The following TIAM1 variants were observed in gnomAD, a reference collection of about 807,000 sequenced individuals.
The protein encoded by TIAM1 is TIAM Rac1 associated GEF 1.
Under a neutral mutation model 163.5 loss-of-function variants are expected in TIAM1, and 65 were observed. The ratio of observed to expected loss-of-function variants is 0.40; its 90% CI spans 0.33 to 0.49. The LOEUF (loss-of-function observed/expected upper bound fraction) is 0.49, where lower values mean the gene tolerates loss of function less well. Among genes scored for constraint, TIAM1 ranks in the 20% least tolerant of loss-of-function variants. The pLI is 0.77. For synonymous variants in TIAM1, 833 were observed against 810.1 expected (o/e 1.03, Z -0.48); for missense variants, 1,789 against 2,044.7 (o/e 0.87, Z 2.41).
rs749426231 is a variant in TIAM1, at chr21:31,266,348, C to G, written c.625G>C (p.Glu209Gln). 1.9e-6 allele frequency: 3 copies of G among 1,614,248 alleles called. No homozygotes were observed. The highest frequency in any genetic ancestry group is 1.7e-6 in the Non-Finnish European group (2 of 1,180,048). The change falls in exon 4 of 28, where the codon GAG becomes CAG. Residue 209 changes from glutamate to glutamine, a missense_variant. Transcript: ENST00000541036. ...ILGSAEEKDCEEARGMETRAS... is the reference protein window; with the variant it reads ...ILGSAEEKDCQEARGMETRAS... ...CGCGTTTCCATCCCCCGAGCCTCCT[C>G]GCAGTCCTTCTCTTCGGCGGAACCC...
chr21:31,474,306 A>G (rs1487660681), intron 1 of TIAM1, among the ~76,000 whole-genome samples: 1 of 152,152 alleles, frequency 6.6e-6, no homozygotes, highest in Non-Finnish European at 1.5e-5. Flanking sequence ...GGTACAGTCA[A>G]TGAAAGGCAG....
At chr21:31,284,698 T>A (rs1223579028) in intron 2 of TIAM1, among the ~76,000 whole-genome samples, 2 of 151,464 alleles carry the variant, frequency 1.3e-5, no homozygotes, top group Admixed American at 6.6e-5. Context: ...TTTTTTTGTA[T>A]TTTTTTTAGT....
intron 6 of TIAM1, among the ~76,000 whole-genome samples, chr21:31,244,000 G>T (rs186266981): frequency 6.6e-6 from 1 of 152,344 alleles, no homozygotes; most frequent in East Asian, 1.9e-4. Flanking sequence ...GGGTGGGGTT[G>T]GGGAAGGTGG....
At chr21:31,353,919 A>G (rs1602077292) in intron 2 of TIAM1, among the ~76,000 whole-genome samples, 1 of 129,570 alleles carries the variant, frequency 7.7e-6, no homozygotes, top group South Asian at 2.5e-4. Context: ...GCTCACTGCA[A>G]CCTCTGCCTC....
chr21:31,360,199 T>C (rs566290023), intron 2 of TIAM1, among the ~76,000 whole-genome samples: 1 of 152,164 alleles, frequency 6.6e-6, no homozygotes, highest in Non-Finnish European at 1.5e-5. Flanking sequence ...TTCTAAGTGT[T>C]TGAAGAAAAT....
At chr21:31,291,720 G>A (rs777741195) in intron 2 of TIAM1, among the ~76,000 whole-genome samples, 12 of 152,176 alleles carry the variant, frequency 7.9e-5, no homozygotes, top group African/African-American at 2.4e-4. Flanking sequence ...AAAGAGTTTC[G>A]CCATGTTGGC....
chr21:31,190,339 G>A (rs890382172), intron 13 of TIAM1, among the ~76,000 whole-genome samples: 2 of 152,082 alleles, frequency 1.3e-5, no homozygotes, highest in African/African-American at 4.8e-5. Flanking sequence ...TTGAGTCTAG[G>A]AGGTTGAGGC....
At chr21:31,382,965 C>A (rs113889607) in intron 2 of TIAM1, among the ~76,000 whole-genome samples, 1 of 152,142 alleles carries the variant, frequency 6.6e-6, no homozygotes, top group Non-Finnish European at 1.5e-5. Context: ...ATAGGCCAGG[C>A]GTGGTGGCTC....
chr21:31,544,679 G>C (rs2048431064), intron 1 of TIAM1, among the ~76,000 whole-genome samples: 1 of 151,498 alleles, frequency 6.6e-6, no homozygotes, highest in African/African-American at 2.4e-5. Flanking sequence ...AGAGCAGCTG[G>C]GCATGGTTAT....
At chr21:31,289,418 C>T (rs1444961118) in intron 2 of TIAM1, among the ~76,000 whole-genome samples, 1 of 152,182 alleles carries the variant, frequency 6.6e-6, no homozygotes, top group Non-Finnish European at 1.5e-5. Flanking sequence ...CAAGTCAAAA[C>T]CCACGGGCAT....
chr21:31,229,459 T>C (rs2088270234), intron 6 of TIAM1, among the ~76,000 whole-genome samples: 1 of 152,258 alleles, frequency 6.6e-6, no homozygotes, highest in Admixed American at 6.5e-5. Flanking sequence ...CATTAAAAAC[T>C]GTCCTTACAA....
chr21:31,409,103 T>C (rs2077298482), intron 2 of TIAM1, among the ~76,000 whole-genome samples: 1 of 143,956 alleles, frequency 6.9e-6, no homozygotes, highest in African/African-American at 2.8e-5. Flanking sequence ...ACTCAGACCT[T>C]CTCCTTTTCT....
At chr21:31,214,165 A>C (rs969717341) in intron 9 of TIAM1, among the ~76,000 whole-genome samples, 2 of 152,042 alleles carry the variant, frequency 1.3e-5, no homozygotes, top group South Asian at 2.1e-4. Flanking sequence ...TCTCTATAAA[A>C]AATTTGAAAA....
intron 15 of TIAM1, among the ~76,000 whole-genome samples, chr21:31,168,133 AC>A (rs1226529336): frequency 6.6e-6 from 1 of 150,392 alleles, no homozygotes; most frequent in East Asian, 2.0e-4. Flanking sequence ...CACTCTGTCG[AC>A]CAGGCTGGAG....
chr21:31,194,133 C>CTT lies in TIAM1; in HGVS notation c.2575+1089_2575+1090dup, dbSNP rs34928789. On this transcript the variant is annotated intron_variant, in intron 13 of 27. Coordinates refer to ENST00000541036, the MANE Select transcript of TIAM1 (RefSeq NM_001353694.2). ...AGGAGAGAGAGCTATTCTCCTTTCT[C>CTT]TTTTTTTTTGCCTGTTAAACCTCTA... 1.8e-3 allele frequency among the ~76,000 whole-genome samples: 276 copies of CTT among 150,758 alleles called. 3 individuals carry two copies. The highest frequency in any genetic ancestry group is 5.7e-3 in the African/African-American group (232 of 41,020).
intron 2 of TIAM1, among the ~76,000 whole-genome samples, chr21:31,330,235 A>G (rs970105603): frequency 3.3e-5 from 5 of 152,062 alleles, no homozygotes; most frequent in African/African-American, 9.7e-5. Context: ...AACCACCTTG[A>G]TGGTTCTTCC....
At chr21:31,428,899 A>G (rs2043897072) in intron 2 of TIAM1, among the ~76,000 whole-genome samples, 1 of 151,912 alleles carries the variant, frequency 6.6e-6, no homozygotes, top group South Asian at 2.1e-4. Context: ...AAAAAAAAGT[A>G]AAAGTAAAGC....
intron 2 of TIAM1, among the ~76,000 whole-genome samples, chr21:31,299,126 G>C (rs962698696): frequency 5.3e-5 from 8 of 152,078 alleles, no homozygotes; most frequent in Non-Finnish European, 1.0e-4. Flanking sequence ...GTCTTGTTTT[G>C]TTATGAACAC....
chr21:31,231,126 G>A (rs2300343), intron 6 of TIAM1, among the ~76,000 whole-genome samples: 6,035 of 152,188 alleles, frequency 0.04, 361 homozygotes, highest in African/African-American at 0.12. Flanking sequence ...CCGTTGCCAC[G>A]GTCACAGAAG....
Sources: allele counts gnomAD v4.1 joint callset (sites outside exome capture counted in the v4.1 genomes callset), GRCh38; gene constraint gnomAD v4.1.1; transcripts MANE v1.5; gene names NCBI Gene and HGNC (gene_info 2026-07-23, HGNC 2026-07-21).